Variants in MFAP2 observed in about 807,000 individuals in gnomAD.
MFAP2 encodes the protein microfibrillar-associated protein 2.
MFAP2 carries 23 observed loss-of-function variants against 30.6 expected under a neutral mutation model. The observed-to-expected ratio is 0.75, with a 90% CI of 0.54 to 1.07. The LOEUF (loss-of-function observed/expected upper bound fraction) is 1.07. Ranked by LOEUF, MFAP2 falls within the 50% of genes least tolerant of loss-of-function variation. The pLI is 0.00. For missense variants in MFAP2, 198 were observed against 223.8 expected, an observed-to-expected ratio of 0.88 and a Z score of 0.74; for synonymous variants, 73 against 85.7, an observed-to-expected ratio of 0.85 and a Z score of 0.82.
rs745705257 is a variant in MFAP2, at chr1:16,975,609, G to A, written c.374+34C>T. On this transcript the variant is annotated intron_variant, in intron 7 of 8. Coordinates refer to ENST00000375535, the MANE Select transcript of MFAP2 (RefSeq NM_002403.4). The surrounding 1 kb of genome is among the most constrained non-coding windows in gnomAD (Gnocchi z 5.0). ...TGTGCCCTCTAGCCCCCCATGCTCC[G>A]GAATCCTCCCGACAGCTGCCCATCT... 4.4e-6 allele frequency: 7 copies of A among 1,605,436 alleles called. No individual in the cohort carries two copies. Among genetic ancestry groups the A allele is most frequent in the African/African-American group, 2.7e-5 (2 of 74,700 alleles).
rs2076598456 is a variant in MFAP2, at chr1:16,976,996, C to T, written c.128-73G>A. 6.2e-7 allele frequency: 1 copy of T among 1,613,346 alleles called. No homozygotes were observed. The highest frequency in any genetic ancestry group is 8.5e-7 in the Non-Finnish European group (1 of 1,179,548). On this transcript the variant is annotated intron_variant, in intron 3 of 8. Transcript: ENST00000375535. This position sits in a 1 kb window ranked among gnomAD's most constrained non-coding sequence, Gnocchi z 5.5. ...CCAGCCCCTGGGGCAAACAAGTTCC[C>T]TCCTGAGCCAGGGACCAACCCCCAG...
chr1:16,979,673 C>T (rs1238321952), intron 1 of MFAP2, among the ~76,000 whole-genome samples: 4 of 152,250 alleles, frequency 2.6e-5, no homozygotes, highest in Admixed American at 6.5e-5. Context: ...TTCTCCCCAT[C>T]CGTCAGGTCG....
intron 1 of MFAP2, among the ~76,000 whole-genome samples, chr1:16,979,304 G>A (rs911094034): frequency 6.6e-6 from 1 of 152,316 alleles, no homozygotes; most frequent in East Asian, 1.9e-4. Context: ...GGAGGGCTGC[G>A]AGGGCGGGGT....
At position 16,976,103 on chromosome 1, in the gene MFAP2, C is replaced by T. The variant is rs534096186; in HGVS notation, c.287-373G>A. On this transcript the variant is annotated intron_variant, in intron 6 of 8. Coordinates refer to ENST00000375535, the MANE Select transcript of MFAP2 (RefSeq NM_002403.4). The surrounding 1 kb of genome is among the most constrained non-coding windows in gnomAD (Gnocchi z 5.5). The stretch of plus-strand genomic sequence containing the variant: ...GCACACGGATTCTCCTGCACACACA[C>T]ACCTTGTTCTTTCAAGCTCTCAGCT... The T allele has an allele frequency of 6.4e-6, 3 of 472,082 alleles. No homozygotes were observed. Among genetic ancestry groups the T allele is most frequent in the Non-Finnish European group, 1.2e-5 (3 of 258,486 alleles). The allele number at this position is 472,082 out of a possible 1,614,324, so 29.2% of individuals were successfully genotyped here.
At chr1:16,979,856 A>G (rs2076622833) in intron 1 of MFAP2, among the ~76,000 whole-genome samples, 1 of 152,136 alleles carries the variant, frequency 6.6e-6, no homozygotes, top group South Asian at 2.1e-4. Flanking sequence ...GGCAGGAAAG[A>G]GAGAAGTCAG....
chr1:16,980,290 C>T (rs1399339436), intron 1 of MFAP2, among the ~76,000 whole-genome samples: 2 of 138,794 alleles, frequency 1.4e-5, no homozygotes, highest in Non-Finnish European at 3.3e-5. Flanking sequence ...ACCCCACCCG[C>T]CACATTCCAA....
intron 2 of MFAP2, 55 bp downstream of exon 2, chr1:16,978,182 C>T (rs2100586270): frequency 2.0e-6 from 3 of 1,534,530 alleles, no homozygotes; most frequent in Non-Finnish European, 2.7e-6. Context: ...CCCTACTAAC[C>T]CTACTCCTCA....
Position 16,975,278 on chromosome 1 carries a change from GCTC to G in MFAP2, c.436_438del (p.Glu146del). 6.2e-7 allele frequency: 1 copy of G among 1,613,728 alleles called. No individual in the cohort carries two copies. The highest frequency in any genetic ancestry group is 1.1e-5 in the South Asian group (1 of 91,060). ...GAGGTGGCCTTCCTACCTCGGAGGAGCTCCTCATGGGCACACACTGTACGAACA... is the reference window on the plus strand; with the variant it reads ...GAGGTGGCCTTCCTACCTCGGAGGAGCTCATGGGCACACACTGTACGAACA... On this transcript the variant is annotated inframe_deletion, in exon 8 of 9. Coordinates refer to ENST00000375535, the MANE Select transcript of MFAP2 (RefSeq NM_002403.4). This position sits in a 1 kb window ranked among gnomAD's most constrained non-coding sequence, Gnocchi z 5.0.
At position 16,975,619 on chromosome 1, in the gene MFAP2, C is replaced by A; in HGVS notation, c.374+24G>T. On this transcript the variant is annotated intron_variant, in intron 7 of 8. Transcript: ENST00000375535. This position sits in a 1 kb window ranked among gnomAD's most constrained non-coding sequence, Gnocchi z 5.0. ...AGCCCCCCATGCTCCGGAATCCTCC[C>A]GACAGCTGCCCATCTGTGCTCACCT... The A allele has an allele frequency of 6.2e-7, 1 of 1,611,116 alleles. No individual in the cohort carries two copies. The highest frequency in any genetic ancestry group is 1.1e-5 in the South Asian group (1 of 90,778).
At chr1:16,977,990 G>A (rs2076607325) in intron 2 of MFAP2, 5 of 468,022 alleles carry the variant, frequency 1.1e-5, no homozygotes, top group South Asian at 7.8e-5. Flanking sequence ...TTGTGCCTGG[G>A]ACGTGCCCTC....
chr1:16,976,193 G>A lies in MFAP2; in HGVS notation c.286+308C>T. ...CTGGCCCTTCCTCGCCTCCACATGT[G>A]CACCACTCAGTCTCTCTGGCTGGCA... On this transcript the variant is annotated intron_variant, in intron 6 of 8. Coordinates refer to ENST00000375535, the MANE Select transcript of MFAP2 (RefSeq NM_002403.4). This position sits in a 1 kb window ranked among gnomAD's most constrained non-coding sequence, Gnocchi z 5.5. 1.8e-6 allele frequency: 1 copy of A among 556,692 alleles called. No homozygotes were observed. The highest frequency in any genetic ancestry group is 2.1e-5 in the South Asian group (1 of 48,452). The allele number at this position is 556,692 out of a possible 1,614,324, so 34.5% of individuals were successfully genotyped here. A position where few individuals can be genotyped will look rare whatever the true frequency, so the allele number is the denominator to read the frequency against.
chr1:16,975,379 T>G lies in MFAP2; in HGVS notation c.375-37A>C, dbSNP rs777421836. ...GGGCACGGGAGGTCTCAGCCCCACT[T>G]CCACCCAATCCCACTGGGATAGCCC... On this transcript the variant is annotated intron_variant, in intron 7 of 8. Transcript: ENST00000375535. This position sits in a 1 kb window ranked among gnomAD's most constrained non-coding sequence, Gnocchi z 5.0. The G allele has an allele frequency of 3.1e-6, 5 of 1,603,610 alleles. No homozygotes were observed. In the South Asian group the frequency reaches 5.6e-5, roughly 18 times the overall value.
chr1:16,975,133 G>T lies in MFAP2; in HGVS notation c.449-110C>A. 7.7e-7 allele frequency: 1 copy of T among 1,296,052 alleles called. No individual in the cohort carries two copies. The highest frequency in any genetic ancestry group is 1.3e-5 in the South Asian group (1 of 78,178). The allele number at this position is 1,296,052 out of a possible 1,614,324, so 80.3% of individuals were successfully genotyped here. On this transcript the variant is annotated intron_variant, in intron 8 of 8. Transcript: ENST00000375535. This position sits in a 1 kb window ranked among gnomAD's most constrained non-coding sequence, Gnocchi z 5.0. Reference sequence around the variant, plus strand: ...TGTTTTGAGGATGAAAAGTAGCAAGGAGGGGAGCTCAGGGTGTCCTGGAAG... The same window carrying T: ...TGTTTTGAGGATGAAAAGTAGCAAGTAGGGGAGCTCAGGGTGTCCTGGAAG...
rs761423 is a variant in MFAP2, at chr1:16,975,177, T to C, written c.448+92A>G. On this transcript the variant is annotated intron_variant, in intron 8 of 8. Transcript: ENST00000375535. This position sits in a 1 kb window ranked among gnomAD's most constrained non-coding sequence, Gnocchi z 5.0. ...CTGGAAGTGGGCCTGGTGGATAATA[T>C]GTGTTGAATAAACATCAGGTGGGTG... 0.42 allele frequency: 552,791 copies of C among 1,307,838 alleles called. 119,310 individuals carry two copies. Among genetic ancestry groups the C allele is most frequent in the Admixed American group, 0.45 (24,159 of 53,160 alleles). The allele number at this position is 1,307,838 out of a possible 1,614,324, so 81.0% of individuals were successfully genotyped here. A position where few individuals can be genotyped will look rare whatever the true frequency, so the allele number is the denominator to read the frequency against.
intron 1 of MFAP2, 97 bp from the exon 2 acceptor site, chr1:16,978,411 C>T (rs896073034): frequency 9.7e-6 from 10 of 1,030,030 alleles, no homozygotes; most frequent in Non-Finnish European, 9.9e-6. Context: ...GAAGGTGGCA[C>T]CCAGAATAGA....
chr1:16,975,758 G>A lies in MFAP2; in HGVS notation c.287-28C>T. 3.1e-6 allele frequency: 5 copies of A among 1,601,678 alleles called. No homozygotes were observed. Among genetic ancestry groups the A allele is most frequent in the Non-Finnish European group, 4.3e-6 (5 of 1,170,694 alleles). On this transcript the variant is annotated intron_variant, in intron 6 of 8. Transcript: ENST00000375535. This position sits in a 1 kb window ranked among gnomAD's most constrained non-coding sequence, Gnocchi z 5.0. ...GGTGACAGGTGGGGTCAGACTAGGA[G>A]CCCAGAGTGGGGGGCGGCCCCCAGC...
chr1:16,978,381 T>C, intron 1 of MFAP2, 67 bp from the exon 2 acceptor site: 1 of 1,334,304 alleles, frequency 7.5e-7, no homozygotes, highest in Non-Finnish European at 1.0e-6. Flanking sequence ...TCACCTTTGA[T>C]CCCCTGATTT....
chr1:16,976,858 C>G lies in MFAP2; in HGVS notation c.154+39G>C. On this transcript the variant is annotated intron_variant, in intron 4 of 8. Coordinates refer to ENST00000375535, the MANE Select transcript of MFAP2 (RefSeq NM_002403.4). This position sits in a 1 kb window ranked among gnomAD's most constrained non-coding sequence, Gnocchi z 5.5. ...CCCCTCCCAGGGGGTCTCCCCACCC[C>G]AGCTGCCGGCCCGTCCTATCCTACC... 1 of 1,614,104 alleles carries G rather than the reference C, an allele frequency of 6.2e-7. No homozygotes were observed. The highest frequency in any genetic ancestry group is 8.5e-7 in the Non-Finnish European group (1 of 1,179,980).
chr1:16,976,655 G>A lies in MFAP2; in HGVS notation c.241+53C>T. On this transcript the variant is annotated intron_variant, in intron 5 of 8. Transcript: ENST00000375535. The surrounding 1 kb of genome is among the most constrained non-coding windows in gnomAD (Gnocchi z 5.5). ...CCCCCACTCCCAGGGTTGACAGGGT[G>A]GGGAGGGGTGAGGCAGGAGCTGAGA... The A allele has an allele frequency of 6.2e-7, 1 of 1,609,636 alleles. No homozygotes were observed. The highest frequency in any genetic ancestry group is 8.5e-7 in the Non-Finnish European group (1 of 1,177,112).
Sources: allele counts gnomAD v4.1 joint callset (sites outside exome capture counted in the v4.1 genomes callset), GRCh38; gene constraint gnomAD v4.1.1; non-coding constraint Gnocchi (gnomAD v3.1); transcripts MANE v1.5; gene names NCBI Gene and HGNC (gene_info 2026-07-23, HGNC 2026-07-21).